The following DLG2 variants were observed in gnomAD, a reference collection of about 807,000 sequenced individuals.
DLG2 encodes the protein discs large MAGUK scaffold protein 2.
DLG2 carries 45 observed loss-of-function variants against 132.5 expected under a neutral mutation model. The ratio of observed to expected loss-of-function variants is 0.34; its 90% CI spans 0.27 to 0.44. DLG2 has a LOEUF of 0.44. Ranked by LOEUF, DLG2 falls within the 20% of genes least tolerant of loss-of-function variation. The probability of loss-of-function intolerance (pLI) is 1.00; values close to 1 mark genes in which losing one functional copy is unlikely to be tolerated. For synonymous variants in DLG2, 424 were observed against 419.6 expected (o/e 1.01, Z -0.13); for missense variants, 1,045 against 1,196.9 (o/e 0.87, Z 1.87).
intron 18 of DLG2, among the ~76,000 whole-genome samples, chr11:83,634,807 A>G (rs1351109665): frequency 6.6e-6 from 1 of 152,142 alleles, no homozygotes; most frequent in Non-Finnish European, 1.5e-5. Flanking sequence ...AGGAAAATAA[A>G]CTCTGAATAT....
chr11:84,525,006 A>G (rs886910457), intron 7 of DLG2, among the ~76,000 whole-genome samples: 2 of 152,098 alleles, frequency 1.3e-5, no homozygotes, highest in Non-Finnish European at 2.9e-5. Flanking sequence ...ATGAAAATAG[A>G]AGCTCCAAGC....
chr11:84,875,378 A>G (rs2086180144), intron 6 of DLG2, among the ~76,000 whole-genome samples: 2 of 152,176 alleles, frequency 1.3e-5, no homozygotes, highest in South Asian at 2.1e-4. Context: ...CCTTGGGAGA[A>G]TGTTTAAAAT....
chr11:84,346,510 G>C (rs11233990), intron 7 of DLG2, among the ~76,000 whole-genome samples: 2 of 152,302 alleles, frequency 1.3e-5, no homozygotes, highest in Non-Finnish European at 2.9e-5. Flanking sequence ...TTTGAACCTA[G>C]ATCTGAAACT....
At chr11:84,558,175 C>T (rs1325941439) in intron 6 of DLG2, among the ~76,000 whole-genome samples, 3 of 152,116 alleles carry the variant, frequency 2.0e-5, no homozygotes, top group East Asian at 1.9e-4. Flanking sequence ...TTATCTCTAA[C>T]GCTTGTGATG....
chr11:84,861,829 T>C (rs1177889573), intron 6 of DLG2, among the ~76,000 whole-genome samples: 2 of 151,766 alleles, frequency 1.3e-5, no homozygotes. Flanking sequence ...AAGAAGACAT[T>C]TATGAGAACA....
At chr11:84,537,263 C>T (rs757435590) in intron 6 of DLG2, among the ~76,000 whole-genome samples, 22 of 152,050 alleles carry the variant, frequency 1.4e-4, no homozygotes, top group South Asian at 8.3e-4. Flanking sequence ...GGCACCACCA[C>T]GCCTGGCTAT....
At chr11:85,081,816 C>T (rs1451990361) in intron 6 of DLG2, among the ~76,000 whole-genome samples, 1 of 152,158 alleles carries the variant, frequency 6.6e-6, no homozygotes, top group Non-Finnish European at 1.5e-5. Flanking sequence ...TTAATTTTTC[C>T]TCCATCCTTC....
intron 6 of DLG2, among the ~76,000 whole-genome samples, chr11:84,822,645 C>T (rs759243201): frequency 6.6e-6 from 1 of 151,884 alleles, no homozygotes. Context: ...ATGTTTCTCT[C>T]TTAAGATGTT....
chr11:84,502,210 CCTTCCTTCCTTCCTTCCTTCCTTCCT>C lies in DLG2; in HGVS notation c.519+32334_519+32359del, dbSNP rs2099211906. On this transcript the variant is annotated intron_variant, in intron 7 of 27. Coordinates refer to ENST00000376104, the MANE Select transcript of DLG2 (RefSeq NM_001142699.3). ...TTTCTCTCTCTCTCTCTCCTTCCTT[CCTTCCTTCCTTCCTTCCTTCCTTCCT>C]TCCTTCCTTCCTTCCTTCCTTCCTT... is the stretch of plus-strand genomic sequence containing the variant. Among the ~76,000 whole-genome samples the C allele has an allele frequency of 2.8e-3, 40 of 14,154 alleles. 9 individuals are homozygous for C. Among genetic ancestry groups the C allele is most frequent in the South Asian group, 4.4e-3 (1 of 226 alleles). The allele number at this position is 14,154 out of a possible 152,430, so 9.3% of individuals were successfully genotyped here.
At chr11:84,003,476 A>G (rs1422904194) in intron 11 of DLG2, among the ~76,000 whole-genome samples, 1 of 152,122 alleles carries the variant, frequency 6.6e-6, no homozygotes, top group African/African-American at 2.4e-5. Flanking sequence ...TTGACTCACA[A>G]TTCAGCATGG....
intron 19 of DLG2, among the ~76,000 whole-genome samples, chr11:83,606,747 G>A (rs1313952069): frequency 6.6e-6 from 1 of 151,862 alleles, no homozygotes; most frequent in African/African-American, 2.4e-5. Context: ...CTAATACATT[G>A]AAACCCCGTC....
intron 16 of DLG2, among the ~76,000 whole-genome samples, chr11:83,835,985 G>A (rs1007565134): frequency 6.6e-6 from 1 of 152,180 alleles, no homozygotes; most frequent in African/African-American, 2.4e-5. Context: ...ATTGGCTTAT[G>A]TAGTTGTGGA....
intron 6 of DLG2, among the ~76,000 whole-genome samples, chr11:84,877,461 T>G (rs890330765): frequency 1.1e-4 from 17 of 151,790 alleles, no homozygotes; most frequent in African/African-American, 3.9e-4. Context: ...TCTTTTTTGA[T>G]ATTTGTTGGT....
intron 7 of DLG2, among the ~76,000 whole-genome samples, chr11:84,288,127 C>G (rs2097935361): frequency 6.6e-6 from 1 of 151,974 alleles, no homozygotes; most frequent in African/African-American, 2.4e-5. Flanking sequence ...AATTAACAAT[C>G]CATTAATTAT....
chr11:83,942,641 T>A (rs185327972), intron 14 of DLG2, among the ~76,000 whole-genome samples: 2 of 152,360 alleles, frequency 1.3e-5, no homozygotes, highest in Non-Finnish European at 2.9e-5. Context: ...TGTAGGTTAA[T>A]ATGGAAAAGT....
At chr11:85,612,238 C>T (rs1188148826) in intron 2 of DLG2, among the ~76,000 whole-genome samples, 1 of 152,236 alleles carries the variant, frequency 6.6e-6, no homozygotes, top group African/African-American at 2.4e-5. Context: ...AGGCCACTGA[C>T]AACCCATAGC....
At chr11:84,373,255 A>AAAAAAAAAC (rs2098714206) in intron 7 of DLG2, among the ~76,000 whole-genome samples, 2 of 83,242 alleles carry the variant, frequency 2.4e-5, no homozygotes, top group South Asian at 8.1e-4. Context: ...CAGTCAAAAA[A>AAAAAAAAAC]AAAAAAAAAC....
At position 85,188,841 on chromosome 11, in the gene DLG2, G is replaced by C. The variant is rs1229453213; in HGVS notation, c.187-34190C>G. Among the ~76,000 whole-genome samples the C allele has an allele frequency of 2.0e-5, 3 of 152,058 alleles. No individual in the cohort carries two copies. The East Asian group carries it at 5.8e-4, about 29-fold the overall frequency. On this transcript the variant is annotated intron_variant, in intron 4 of 27. Coordinates refer to ENST00000376104, the MANE Select transcript of DLG2 (RefSeq NM_001142699.3). The stretch of plus-strand genomic sequence containing the variant: ...AAGAGAAAATGAAGAAAAATTAACA[G>C]AGCCTTGGAGACCTCTAGGACAACA...
chr11:83,958,252 T>C (rs1012014632), intron 14 of DLG2, among the ~76,000 whole-genome samples: 1 of 152,198 alleles, frequency 6.6e-6, no homozygotes, highest in African/African-American at 2.4e-5. Flanking sequence ...AGAGTAGATG[T>C]GGACTCCAGA....
Sources: gnomAD v4.1 joint callset for allele counts (sites outside exome capture counted in the v4.1 genomes callset) on GRCh38, gnomAD v4.1.1 for gene constraint, MANE v1.5 for transcripts, NCBI Gene and HGNC (gene_info 2026-07-23, HGNC 2026-07-21) for gene names.